Variants in ALK observed in about 807,000 individuals in gnomAD.
ALK encodes ALK receptor tyrosine kinase, also known as ALK tyrosine kinase receptor.
ALK carries 74 observed loss-of-function variants against 163.1 expected under a neutral mutation model. That is an observed-to-expected ratio of 0.45 (90% CI 0.38 to 0.55). The LOEUF (loss-of-function observed/expected upper bound fraction) is 0.55. Ranked by LOEUF, ALK falls within the 20% of genes least tolerant of loss-of-function variation. The pLI is 0.00. For synonymous variants in ALK, 960 were observed against 843.2 expected (o/e 1.14, Z -2.40); for missense variants, 2,063 against 2,105.3 (o/e 0.98, Z 0.39).
chr2:29,250,174 A>G (rs1166322650), intron 12 of ALK, among the ~76,000 whole-genome samples: 5 of 152,106 alleles, frequency 3.3e-5, no homozygotes, highest in Non-Finnish European at 7.4e-5. Flanking sequence ...CTTTCCTTTT[A>G]ACCTGCCCTG....
chr2:29,859,857 A>T (rs566549281), intron 1 of ALK, among the ~76,000 whole-genome samples: 24 of 152,184 alleles, frequency 1.6e-4, no homozygotes, highest in Non-Finnish European at 3.1e-4. Flanking sequence ...AAGATGTGAA[A>T]ATTTGACATA....
chr2:29,309,842 G>A (rs903595402), intron 8 of ALK, among the ~76,000 whole-genome samples: 3 of 152,070 alleles, frequency 2.0e-5, no homozygotes, highest in East Asian at 1.9e-4. Flanking sequence ...TAACGCTCCC[G>A]ACCTGCCCAC....
intron 3 of ALK, among the ~76,000 whole-genome samples, chr2:29,682,973 C>T (rs1240371015): frequency 6.6e-6 from 1 of 152,162 alleles, no homozygotes; most frequent in Non-Finnish European, 1.5e-5. Flanking sequence ...AACAAGTAAA[C>T]ACAGCATCTC....
intron 1 of ALK, among the ~76,000 whole-genome samples, chr2:29,783,883 C>A (rs181102745): frequency 2.0e-5 from 3 of 152,242 alleles, no homozygotes; most frequent in African/African-American, 7.2e-5. Context: ...CCCAGTCCTC[C>A]AGGATTCCAC....
intron 1 of ALK, among the ~76,000 whole-genome samples, chr2:29,897,923 A>T (rs1254685222): frequency 6.6e-6 from 1 of 152,170 alleles, no homozygotes; most frequent in African/African-American, 2.4e-5. Flanking sequence ...CTTGTGCTAT[A>T]GAGAGAGGTG....
intron 9 of ALK, among the ~76,000 whole-genome samples, chr2:29,279,372 T>C (rs1242827004): frequency 6.6e-6 from 1 of 152,122 alleles, no homozygotes; most frequent in East Asian, 1.9e-4. Context: ...TGTCCATCCA[T>C]GGGCCAACCC....
chr2:29,232,276 G>A (rs999677528), intron 15 of ALK, 28 bp downstream of exon 15: 1 of 1,613,920 alleles, frequency 6.2e-7, no homozygotes, highest in Non-Finnish European at 8.5e-7. Flanking sequence ...GAGAGGTTCT[G>A]GGAGAGGGCA....
chr2:29,341,661 G>A (rs1341211869), intron 5 of ALK, among the ~76,000 whole-genome samples: 1 of 152,214 alleles, frequency 6.6e-6, no homozygotes, highest in African/African-American at 2.4e-5. Context: ...ACAAAGCCAA[G>A]TGCAAAACAG....
intron 3 of ALK, among the ~76,000 whole-genome samples, chr2:29,629,281 T>C (rs796683300): frequency 5.9e-5 from 9 of 152,318 alleles, no homozygotes; most frequent in African/African-American, 2.2e-4. Context: ...CTTTATTGTA[T>C]TTTTACAAAC....
chr2:29,694,845 C>A lies in ALK; in HGVS notation c.952+5G>T, dbSNP rs2148289548. ...CCAGGACATCACCAGCAGCCTCTCC[C>A]TTACCTCTGGGCATCTCCTTAGAAC... is the stretch of plus-strand genomic sequence containing the variant. On this transcript the variant is annotated splice_donor_5th_base_variant and intron_variant, in intron 3 of 28. Coordinates refer to ENST00000389048, the MANE Select transcript of ALK (RefSeq NM_004304.5). 6.2e-7 allele frequency: 1 copy of A among 1,613,662 alleles called. No homozygotes were observed. Among genetic ancestry groups the A allele is most frequent in the Non-Finnish European group, 8.5e-7 (1 of 1,180,002 alleles).
At position 29,328,530 on chromosome 2, in the gene ALK, G is replaced by A. The variant is rs11885503; in HGVS notation, c.1283-49C>T. On this transcript the variant is annotated intron_variant, in intron 5 of 28. Coordinates refer to ENST00000389048, the MANE Select transcript of ALK (RefSeq NM_004304.5). The stretch of plus-strand genomic sequence containing the variant: ...CCATGGTAAGTTTGCATGGCCCCAG[G>A]CAGCAGCTGGCCTGATGGGTTGGTC... The A allele has an allele frequency of 5.2e-3, 8,324 of 1,613,470 alleles. 391 individuals carry two copies. In the African/African-American group the frequency reaches 0.098, roughly 19 times the overall value.
intron 3 of ALK, among the ~76,000 whole-genome samples, chr2:29,572,825 G>C (rs970059359): frequency 1.3e-5 from 2 of 152,060 alleles, no homozygotes; most frequent in Non-Finnish European, 2.9e-5. Context: ...CAGTCTGTAG[G>C]AGGGGCCTCT....
intron 1 of ALK, among the ~76,000 whole-genome samples, chr2:29,821,162 C>A (rs1449570439): frequency 6.6e-6 from 1 of 152,150 alleles, no homozygotes; most frequent in South Asian, 2.1e-4. Context: ...TCTGTTTTCC[C>A]ACCCACTGTT....
intron 1 of ALK, among the ~76,000 whole-genome samples, chr2:29,851,922 C>A (rs1187502003): frequency 1.3e-5 from 2 of 152,196 alleles, no homozygotes; most frequent in Non-Finnish European, 2.9e-5. Flanking sequence ...GTCCAAGGGA[C>A]TGGCCAAAAG....
chr2:29,561,786 G>T (rs1190487419), intron 3 of ALK, among the ~76,000 whole-genome samples: 1 of 152,164 alleles, frequency 6.6e-6, no homozygotes, highest in Non-Finnish European at 1.5e-5. Flanking sequence ...TGAAGCAGTT[G>T]TTCCCAACCC....
chr2:29,390,844 C>A (rs1226819007), intron 4 of ALK, among the ~76,000 whole-genome samples: 1 of 152,236 alleles, frequency 6.6e-6, no homozygotes, highest in Non-Finnish European at 1.5e-5. Flanking sequence ...AATAATTACA[C>A]ATGGCGTGTG....
intron 5 of ALK, among the ~76,000 whole-genome samples, chr2:29,375,179 G>T (rs547034043): frequency 4.6e-5 from 7 of 152,164 alleles, no homozygotes; most frequent in Non-Finnish European, 8.8e-5. Flanking sequence ...TTCAGGCGAG[G>T]TGAGGCCCAG....
chr2:29,849,372 C>G (rs1197119445), intron 1 of ALK, among the ~76,000 whole-genome samples: 2 of 152,204 alleles, frequency 1.3e-5, no homozygotes, highest in African/African-American at 2.4e-5. Flanking sequence ...ACTTCCCCAC[C>G]TGTGCATGTG....
intron 4 of ALK, among the ~76,000 whole-genome samples, chr2:29,391,890 C>G (rs1273205832): frequency 6.6e-6 from 1 of 152,196 alleles, no homozygotes; most frequent in Non-Finnish European, 1.5e-5. Context: ...AGCTACCTAA[C>G]CTAACCTCTC....
Sources: allele counts gnomAD v4.1 joint callset (sites outside exome capture counted in the v4.1 genomes callset), GRCh38; gene constraint gnomAD v4.1.1; transcripts MANE v1.5; gene names NCBI Gene and HGNC (gene_info 2026-07-23, HGNC 2026-07-21).